The following PCDH7 variants were observed in gnomAD, a reference collection of about 807,000 sequenced individuals.
PCDH7 encodes the protein protocadherin-7.
In PCDH7, 17 loss-of-function variants were observed where a neutral mutation model predicts 58.9. The ratio of observed to expected loss-of-function variants is 0.29; its 90% CI spans 0.20 to 0.43. The LOEUF (loss-of-function observed/expected upper bound fraction) is 0.43, where lower values mean the gene tolerates loss of function less well. PCDH7 is among the 20% of genes least tolerant of loss of function. The pLI is 1.00. For missense variants in PCDH7, 1,274 were observed against 1,441.0 expected (o/e 0.88, Z 1.88); for synonymous variants, 664 against 616.4 (o/e 1.08, Z -1.14).
intron 3 of PCDH7, among the ~76,000 whole-genome samples, chr4:31,138,266 T>C (rs911456887): frequency 6.6e-6 from 1 of 152,230 alleles, no homozygotes; most frequent in Admixed American, 6.5e-5. Context: ...TTTTGAGAGA[T>C]AATCTGACTT....
intron 3 of PCDH7, among the ~76,000 whole-genome samples, chr4:31,062,421 T>C (rs1757759636): frequency 6.6e-6 from 1 of 151,788 alleles, no homozygotes; most frequent in African/African-American, 2.4e-5. Context: ...AGTTTTCTTG[T>C]TCATTTAAAA....
intron 1 of PCDH7, among the ~76,000 whole-genome samples, chr4:30,832,252 C>T (rs941457268): frequency 1.3e-5 from 2 of 152,152 alleles, no homozygotes; most frequent in South Asian, 4.1e-4. Context: ...AGAATTTTGT[C>T]TCACTTATCC....
rs150886334 is a variant in PCDH7, at chr4:30,753,704, G to A, written c.70+29108G>A. Among the ~76,000 whole-genome samples the A allele has an allele frequency of 4.7e-3, 711 of 152,202 alleles. 8 individuals are homozygous for A. The highest frequency in any genetic ancestry group is 0.016 in the African/African-American group (650 of 41,530). On this transcript the variant is annotated intron_variant, in intron 1 of 3. Coordinates refer to the PCDH7 transcript ENST00000509759. ...TGTTTTTAGCTCTGTTCTTATTCTT[G>A]TGAAGCTTACCTTCTAATTTTGAAT... is the stretch of plus-strand genomic sequence containing the variant.
At chr4:31,134,741 C>G (rs1719391425) in intron 3 of PCDH7, among the ~76,000 whole-genome samples, 1 of 152,130 alleles carries the variant, frequency 6.6e-6, no homozygotes, top group Non-Finnish European at 1.5e-5. Context: ...ACTGCATTCA[C>G]CTGGAGAACT....
chr4:30,840,297 T>C (rs574841166), intron 1 of PCDH7, among the ~76,000 whole-genome samples: 40 of 152,224 alleles, frequency 2.6e-4, no homozygotes, highest in African/African-American at 9.6e-4. Context: ...CGGATGTCCT[T>C]ATTCTTTCCA....
chr4:30,988,871 TG>T (rs1359676838), intron 3 of PCDH7, among the ~76,000 whole-genome samples: 1 of 152,192 alleles, frequency 6.6e-6, no homozygotes, highest in African/African-American at 2.4e-5. Context: ...TGTACATTAA[TG>T]CCTGATGATT....
At chr4:31,089,626 G>C (rs900621634) in intron 3 of PCDH7, among the ~76,000 whole-genome samples, 2 of 151,944 alleles carry the variant, frequency 1.3e-5, no homozygotes, top group African/African-American at 4.8e-5. Context: ...GAAATATTAA[G>C]GCTAAATTCA....
chr4:31,079,324 A>C (rs1315005769), intron 3 of PCDH7, among the ~76,000 whole-genome samples: 3 of 39,604 alleles, frequency 7.6e-5, no homozygotes, highest in Non-Finnish European at 1.4e-4. Context: ...ATATATATAT[A>C]TATATATATA....
chr4:30,775,893 T>C (rs918214273), intron 1 of PCDH7, among the ~76,000 whole-genome samples: 4 of 151,664 alleles, frequency 2.6e-5, no homozygotes, highest in Non-Finnish European at 2.9e-5. Context: ...TGAAACTCCA[T>C]TGCAAAAAAA....
intron 1 of PCDH7, among the ~76,000 whole-genome samples, chr4:30,751,373 G>A (rs1718501795): frequency 6.6e-6 from 1 of 152,128 alleles, no homozygotes; most frequent in African/African-American, 2.4e-5. Flanking sequence ...TATTTTGATT[G>A]GAGTGATATA....
At chr4:31,065,460 CTGT>C (rs1758007427) in intron 3 of PCDH7, among the ~76,000 whole-genome samples, 1 of 151,914 alleles carries the variant, frequency 6.6e-6, no homozygotes, top group Non-Finnish European at 1.5e-5. Flanking sequence ...CTCCACTTAC[CTGT>C]TGCTAAGAGA....
chr4:31,028,881 G>A (rs917297344), intron 3 of PCDH7, among the ~76,000 whole-genome samples: 12 of 152,202 alleles, frequency 7.9e-5, no homozygotes, highest in African/African-American at 2.9e-4. Flanking sequence ...AAATTATTGT[G>A]TCATAAAAGC....
intron 3 of PCDH7, among the ~76,000 whole-genome samples, chr4:30,962,443 G>T (rs1461932129): frequency 6.6e-6 from 1 of 152,038 alleles, no homozygotes; most frequent in Non-Finnish European, 1.5e-5. Flanking sequence ...ATGCAATAAA[G>T]TAAGTATGTA....
intron 3 of PCDH7, among the ~76,000 whole-genome samples, chr4:30,970,588 C>A (rs933869102): frequency 1.3e-5 from 2 of 152,186 alleles, no homozygotes; most frequent in African/African-American, 4.8e-5. Flanking sequence ...CCACCGCTCC[C>A]GGCCAAATGA....
intron 1 of PCDH7, among the ~76,000 whole-genome samples, chr4:30,740,185 A>G (rs548330079): frequency 6.6e-6 from 1 of 152,212 alleles, no homozygotes; most frequent in South Asian, 2.1e-4. Context: ...CTGTGCATAT[A>G]TGAAGTAGAG....
At chr4:31,064,368 A>T (rs1757918361) in intron 3 of PCDH7, among the ~76,000 whole-genome samples, 1 of 151,954 alleles carries the variant, frequency 6.6e-6, no homozygotes, top group Non-Finnish European at 1.5e-5. Context: ...TACATGGAGT[A>T]AGTTCTCTCT....
intron 3 of PCDH7, among the ~76,000 whole-genome samples, chr4:31,117,535 T>G (rs1717152859): frequency 6.6e-6 from 1 of 152,180 alleles, no homozygotes; most frequent in Admixed American, 6.5e-5. Context: ...TTACAAAATG[T>G]GCCAAGCAGT....
intron 3 of PCDH7, among the ~76,000 whole-genome samples, chr4:30,992,117 G>A (rs557040900): frequency 6.6e-6 from 1 of 152,280 alleles, no homozygotes; most frequent in African/African-American, 2.4e-5. Flanking sequence ...CTTTGTACAT[G>A]GTAGAATTGT....
intron 1 of PCDH7, among the ~76,000 whole-genome samples, chr4:30,756,073 G>A: frequency 6.6e-6 from 1 of 152,088 alleles, no homozygotes; most frequent in South Asian, 2.1e-4. Context: ...GTGAGACTCA[G>A]TCTCAAAAAC....
Sources: gnomAD v4.1 joint callset for allele counts (sites outside exome capture counted in the v4.1 genomes callset) on GRCh38, gnomAD v4.1.1 for gene constraint, MANE v1.5 for transcripts, NCBI Gene and HGNC (gene_info 2026-07-23, HGNC 2026-07-21) for gene names.